Variants in DRAM1 observed in about 807,000 individuals in gnomAD.
The protein encoded by DRAM1 is DNA damage-regulated autophagy modulator protein 1.
In DRAM1, 25 loss-of-function variants were observed where a neutral mutation model predicts 28.5. The ratio of observed to expected loss-of-function variants is 0.88; its 90% CI spans 0.64 to 1.23. The LOEUF (loss-of-function observed/expected upper bound fraction) is 1.23, where lower values mean the gene tolerates loss of function less well. DRAM1 is among the 50% of genes most tolerant of loss of function. The pLI is 0.00. For synonymous variants in DRAM1, 113 were observed against 114.2 expected (o/e 0.99, Z 0.07); for missense variants, 249 against 299.2 (o/e 0.83, Z 1.24).
intron 3 of DRAM1, among the ~76,000 whole-genome samples, chr12:101,903,305 G>C (rs1873671468): frequency 6.6e-6 from 1 of 152,126 alleles, no homozygotes; most frequent in Non-Finnish European, 1.5e-5. Flanking sequence ...CTACTTTTTG[G>C]TGTGTCCTCA....
intron 1 of DRAM1, among the ~76,000 whole-genome samples, chr12:101,895,681 C>T (rs1391313773): frequency 4.7e-5 from 7 of 150,204 alleles, no homozygotes; most frequent in African/African-American, 1.7e-4. Context: ...AGCGATTCTC[C>T]TGCCTCAGCC....
chr12:101,919,399 C>T (rs1407925241), intron 5 of DRAM1, among the ~76,000 whole-genome samples: 1 of 152,106 alleles, frequency 6.6e-6, no homozygotes, highest in Non-Finnish European at 1.5e-5. Flanking sequence ...TAACTTCCCT[C>T]TCTTTTCACA....
chr12:101,878,365 G>T (rs1255226407), intron 1 of DRAM1, among the ~76,000 whole-genome samples: 1 of 152,168 alleles, frequency 6.6e-6, no homozygotes, highest in Non-Finnish European at 1.5e-5. Flanking sequence ...TCCCGCAAGC[G>T]AGCGGTGGTG....
At chr12:101,891,251 C>T (rs1024406440) in intron 1 of DRAM1, among the ~76,000 whole-genome samples, 1 of 151,800 alleles carries the variant, frequency 6.6e-6, no homozygotes, top group East Asian at 1.9e-4. Context: ...ATTCTAAGTC[C>T]CTATCAATCA....
intron 1 of DRAM1, among the ~76,000 whole-genome samples, chr12:101,886,060 A>G (rs989550816): frequency 3.3e-5 from 5 of 152,098 alleles, no homozygotes; most frequent in Non-Finnish European, 7.3e-5. Flanking sequence ...TTTAATTGTT[A>G]ACTGATTCTG....
At chr12:101,893,339 G>A (rs1409824080) in intron 1 of DRAM1, among the ~76,000 whole-genome samples, 1 of 151,930 alleles carries the variant, frequency 6.6e-6, no homozygotes. Flanking sequence ...TCGTTTTTTT[G>A]TTTTGGTTCT....
At chr12:101,918,476 C>G (rs925289583) in intron 5 of DRAM1, among the ~76,000 whole-genome samples, 8 of 152,328 alleles carry the variant, frequency 5.3e-5, no homozygotes, top group African/African-American at 1.7e-4. Flanking sequence ...CTGGTCAGGT[C>G]CTCCTCGGTG....
Position 101,920,150 on chromosome 12 carries a change from A to G in DRAM1, c.621A>G (p.Thr207=), listed in dbSNP as rs530996493. 4.3e-6 allele frequency: 7 copies of G among 1,612,464 alleles called. No individual in the cohort carries two copies. The highest frequency in any genetic ancestry group is 3.4e-5 in the Admixed American group (2 of 59,664). Residue 207 remains threonine (T), a synonymous_variant, in exon 6 of 7, where the codon ACA becomes ACG. Transcript: ENST00000258534. ...YHVVSAICEW[T]VAFGFIFYFL... ...TAGTGAGTGCGATCTGTGAATGGAC[A>G]GTGGCCTTTGGTTTTATTTTCTACT...
rs545205706 is a variant in DRAM1 at position 101,919,284 on chromosome 12, GCACACACACACA to G, written c.580-815_580-804del. ...TCCACAGACACACAGACACACACAC[GCACACACACACA>G]CACACACACGGTTTTGTTTTTTTAA... is the stretch of plus-strand genomic sequence containing the variant. On this transcript the variant is annotated intron_variant, in intron 5 of 6. Coordinates refer to ENST00000258534, the MANE Select transcript of DRAM1 (RefSeq NM_018370.3). Among the ~76,000 whole-genome samples the G allele has an allele frequency of 8.9e-3, 1,307 of 147,596 alleles. 10 individuals carry two copies. Among genetic ancestry groups the G allele is most frequent in the Non-Finnish European group, 0.012 (820 of 66,402 alleles).
chr12:101,878,892 T>TTTTG (rs764021496), intron 1 of DRAM1, among the ~76,000 whole-genome samples: 3 of 151,768 alleles, frequency 2.0e-5, no homozygotes, highest in African/African-American at 7.2e-5. Context: ...TTCTGTGTTT[T>TTTTG]TTTGTTTGTT....
At chr12:101,906,854 C>CAAAAAAAAAA (rs751751554) in intron 3 of DRAM1, among the ~76,000 whole-genome samples, 31 of 67,348 alleles carry the variant, frequency 4.6e-4, no homozygotes, top group Non-Finnish European at 7.0e-4. Flanking sequence ...GACTCTGCCT[C>CAAAAAAAAAA]AAAAAAAAAA....
At chr12:101,886,954 T>C (rs1322653257) in intron 1 of DRAM1, among the ~76,000 whole-genome samples, 1 of 152,146 alleles carries the variant, frequency 6.6e-6, no homozygotes, top group Admixed American at 6.6e-5. Flanking sequence ...AATACCAGCC[T>C]GGCCAACATG....
At chr12:101,881,248 C>T (rs1349062971) in intron 1 of DRAM1, among the ~76,000 whole-genome samples, 1 of 152,148 alleles carries the variant, frequency 6.6e-6, no homozygotes, top group Non-Finnish European at 1.5e-5. Flanking sequence ...CCACTGCACT[C>T]CAGTCTGGGT....
intron 1 of DRAM1, among the ~76,000 whole-genome samples, chr12:101,890,468 G>A (rs1357313624): frequency 2.2e-4 from 5 of 22,348 alleles, no homozygotes; most frequent in African/African-American, 9.7e-4. Flanking sequence ...ATCAAACCAC[G>A]TTCATCTCCC....
At chr12:101,911,985 G>C (rs887259842) in intron 4 of DRAM1, among the ~76,000 whole-genome samples, 1 of 152,148 alleles carries the variant, frequency 6.6e-6, no homozygotes, top group Non-Finnish European at 1.5e-5. Flanking sequence ...GATCATTTGA[G>C]GTCAGGAGTT....
intron 1 of DRAM1, among the ~76,000 whole-genome samples, chr12:101,882,331 C>T (rs1269975040): frequency 1.3e-5 from 2 of 150,668 alleles, no homozygotes; most frequent in African/African-American, 2.4e-5. Flanking sequence ...AGGATGGTCT[C>T]GATCTCCTGA....
chr12:101,882,914 C>T (rs765395750), intron 1 of DRAM1, among the ~76,000 whole-genome samples: 11 of 143,802 alleles, frequency 7.6e-5, no homozygotes, highest in Non-Finnish European at 1.6e-4. Flanking sequence ...TGCAGAGTTA[C>T]TCAGGGCATT....
In DRAM1 at chr12:101,922,564, G is replaced by C. The variant is rs1406279373; in HGVS notation, c.*1304G>C. 1 of 152,192 alleles carries C rather than the reference G, an allele frequency of 6.6e-6. No homozygotes were observed. Among genetic ancestry groups the C allele is most frequent in the Non-Finnish European group, 1.5e-5 (1 of 68,058 alleles). The allele number at this position is 152,192 out of a possible 1,614,324, so 9.4% of individuals were successfully genotyped here. ...AACTATTTGTTGGGTGAGTAAAGGGGTGAGGCTCAGTGGCAGGTACCTCTG... is the reference window on the plus strand; with the variant it reads ...AACTATTTGTTGGGTGAGTAAAGGGCTGAGGCTCAGTGGCAGGTACCTCTG... On this transcript the variant is annotated 3_prime_UTR_variant, in exon 7 of 7. Coordinates refer to ENST00000258534, the MANE Select transcript of DRAM1 (RefSeq NM_018370.3).
chr12:101,889,952 A>AG (rs1265521004), intron 1 of DRAM1: 1 of 371,136 alleles, frequency 2.7e-6, no homozygotes, highest in African/African-American at 2.2e-5. Flanking sequence ...AAAAAAAAAA[A>AG]AAAAAAAAAA....
Sources: gnomAD v4.1 joint callset for allele counts (sites outside exome capture counted in the v4.1 genomes callset) on GRCh38, gnomAD v4.1.1 for gene constraint, MANE v1.5 for transcripts, NCBI Gene and HGNC (gene_info 2026-07-23, HGNC 2026-07-21) for gene names.